SLC6A9: variants seen among roughly 807,000 people sequenced by gnomAD.
SLC6A9 encodes solute carrier family 6 member 9, also known as sodium- and chloride-dependent glycine transporter 1.
SLC6A9 carries 31 observed loss-of-function variants against 70.9 expected under a neutral mutation model. That is an observed-to-expected ratio of 0.44 (90% CI 0.33 to 0.59). The LOEUF (loss-of-function observed/expected upper bound fraction) is 0.59, where lower values mean the gene tolerates loss of function less well. SLC6A9 is among the 20% of genes least tolerant of loss of function. SLC6A9 has a pLI of 0.04. For missense variants in SLC6A9, 631 were observed against 845.2 expected (o/e 0.75, Z 3.14); for synonymous variants, 310 against 341.3 (o/e 0.91, Z 1.01).
chr1:44,011,683 G>A (rs769519813), intron 2 of SLC6A9: 3 of 1,614,118 alleles, frequency 1.9e-6, no homozygotes, highest in Admixed American at 1.7e-5. Flanking sequence ...CCAGAAAAGG[G>A]TGGCAGGAAG....
chr1:44,013,647 T>A lies in SLC6A9; in HGVS notation c.31-2765A>T, dbSNP rs2086648176. Among the ~76,000 whole-genome samples the A allele has an allele frequency of 6.6e-6, 1 of 152,184 alleles. No homozygotes were observed. On this transcript the variant is annotated intron_variant, in intron 2 of 13. Coordinates refer to ENST00000372310, the MANE Select transcript of SLC6A9 (RefSeq NM_001024845.3). The surrounding 1 kb of genome is among the most constrained non-coding windows in gnomAD (Gnocchi z 5.3). ...TCGACCACGGGAATCTGGCCCAGGC[T>A]TGGCCTCTGTCTTCAACTCCAGGGC...
intron 2 of SLC6A9, among the ~76,000 whole-genome samples, chr1:44,022,878 G>C (rs552540390): frequency 1.1e-3 from 172 of 151,896 alleles, no homozygotes; most frequent in Admixed American, 3.3e-3. Context: ...GCTAATTTTT[G>C]TATTTTTAGT....
chr1:44,001,185 C>G lies in SLC6A9; in HGVS notation c.1314G>C (p.Leu438=), dbSNP rs1441093971. 1 of 1,614,228 alleles carries G rather than the reference C, an allele frequency of 6.2e-7. No homozygotes were observed. The highest frequency in any genetic ancestry group is 1.7e-5 in the Admixed American group (1 of 60,028). ...TLGVAVAGFL[L]GIPLTSQAGI... ...TTACCTGGCTGGTGAGGGGGATGCC[C>G]AGCAGGAAGCCAGCCACAGCCACGC... Residue 438 remains leucine, a synonymous_variant, in exon 10 of 14, where the codon CTG becomes CTC. Coordinates refer to ENST00000372310, the MANE Select transcript of SLC6A9 (RefSeq NM_001024845.3).
At position 44,001,318 on chromosome 1, in the gene SLC6A9, G is replaced by C; in HGVS notation, c.1201-20C>G. On this transcript the variant is annotated intron_variant, in intron 9 of 13. Coordinates refer to ENST00000372310, the MANE Select transcript of SLC6A9 (RefSeq NM_001024845.3). ...GCAGAACTGCAGGATGTGGCTGTCAGATCGGAGACCTGCCCCTTGTTCCTG... is the reference window on the plus strand; with the variant it reads ...GCAGAACTGCAGGATGTGGCTGTCACATCGGAGACCTGCCCCTTGTTCCTG... The C allele has an allele frequency of 6.2e-7, 1 of 1,614,194 alleles. No homozygotes were observed. Among genetic ancestry groups the C allele is most frequent in the Non-Finnish European group, 8.5e-7 (1 of 1,180,014 alleles).
intron 2 of SLC6A9, among the ~76,000 whole-genome samples, chr1:44,020,616 C>T (rs983084047): frequency 1.3e-5 from 2 of 152,214 alleles, no homozygotes; most frequent in African/African-American, 4.8e-5. Context: ...GGCCCTCTAC[C>T]AAGGGAGTGT....
intron 5 of SLC6A9, 130 bp downstream of exon 5, chr1:44,008,223 C>T (rs774628540): frequency 1.1e-6 from 1 of 898,012 alleles, no homozygotes; most frequent in Admixed American, 1.9e-5. Context: ...CTTCACTCAC[C>T]TCTACCCTCT....
At chr1:44,020,754 G>T (rs1469053787) in intron 2 of SLC6A9, among the ~76,000 whole-genome samples, 1 of 152,230 alleles carries the variant, frequency 6.6e-6, no homozygotes, top group African/African-American at 2.4e-5. Flanking sequence ...TCCTATGACG[G>T]ATGCTACAGA....
At chr1:44,006,058 CA>C (rs2086297920) in intron 5 of SLC6A9, among the ~76,000 whole-genome samples, 1 of 152,230 alleles carries the variant, frequency 6.6e-6, no homozygotes, top group Non-Finnish European at 1.5e-5. Context: ...GGACAACCAC[CA>C]CTGGAGCATC....
At position 44,002,529 on chromosome 1, in the gene SLC6A9, T is replaced by G; in HGVS notation, c.841A>C (p.Lys281Gln). ...CTTCCCACCTTGGCCTCCAGGATCT[T>G]GTCCCACTGCGGGGTTAGGTAGTAC... The part of the protein sequence containing the change: ...IMYYLTPQWD[K>Q]ILEAKVWGDA... Residue 281 changes from lysine to glutamine, a missense_variant, in exon 7 of 14, where the codon AAG (lysine) becomes CAG (glutamine). Physicochemically the swap from Lys to Gln is moderately conservative, Grantham distance 53. Transcript: ENST00000372310. The surrounding 1 kb of genome is among the most constrained non-coding windows in gnomAD (Gnocchi z 5.5). 3 of 1,614,126 alleles carry G rather than the reference T, an allele frequency of 1.9e-6. No individual in the cohort carries two copies. The highest frequency in any genetic ancestry group is 2.5e-6 in the Non-Finnish European group (3 of 1,180,006).
At chr1:44,025,120 G>A (rs892832208) in intron 1 of SLC6A9, among the ~76,000 whole-genome samples, 8 of 145,028 alleles carry the variant, frequency 5.5e-5, no homozygotes, top group African/African-American at 1.7e-4. Context: ...TGAGTTCCCC[G>A]AGGGCTTGGG....
intron 3 of SLC6A9, chr1:44,010,369 A>C (rs1292289597): frequency 1.1e-5 from 5 of 443,946 alleles, no homozygotes; most frequent in Non-Finnish European, 2.1e-5. Flanking sequence ...GCGATTTCAC[A>C]AGCATAAGTT....
In SLC6A9 at chr1:44,009,947, G is replaced by A. The variant is rs747838685; in HGVS notation, c.319+18C>T. 1.2e-6 allele frequency: 2 copies of A among 1,612,650 alleles called. No homozygotes were observed. The highest frequency in any genetic ancestry group is 1.1e-5 in the South Asian group (1 of 90,986). On this transcript the variant is annotated intron_variant, in intron 4 of 13. Coordinates refer to ENST00000372310, the MANE Select transcript of SLC6A9 (RefSeq NM_001024845.3). ...TGTGTTTGTGTATGTGTGAGCGAGT[G>A]CCCCGCCCAGGCCTCACCTTTGAAC...
At chr1:44,029,982 A>C (rs908742488) in intron 1 of SLC6A9, among the ~76,000 whole-genome samples, 70 of 152,058 alleles carry the variant, frequency 4.6e-4, no homozygotes, top group African/African-American at 1.7e-3. Context: ...CGCTCCTTTC[A>C]GCGGAGAAAT....
At chr1:44,011,510 G>A (rs749627703) in intron 2 of SLC6A9, 36 of 1,537,930 alleles carry the variant, frequency 2.3e-5, no homozygotes, top group Admixed American at 8.4e-5. Context: ...GGGAGGGTCC[G>A]GGGAGCTAGC....
chr1:44,001,236 C>T lies in SLC6A9; in HGVS notation c.1263G>A (p.Leu421=), dbSNP rs201304448. The change falls in exon 10 of 14, where the codon CTG becomes CTA. Residue 421 remains leucine, a synonymous_variant. Transcript: ENST00000372310. ...IVDEVGNEWI[L]QKKTYVTLGV... ...CCAAGGTCACATAGGTCTTTTTCTGCAGGATCCACTCATTCCCCACCTCAT... is the reference window on the plus strand; with the variant it reads ...CCAAGGTCACATAGGTCTTTTTCTGTAGGATCCACTCATTCCCCACCTCAT... 37 of 1,614,086 alleles carry T rather than the reference C, an allele frequency of 2.3e-5. No homozygotes were observed. Among genetic ancestry groups the T allele is most frequent in the Admixed American group, 1.7e-5 (1 of 60,010 alleles).
Position 43,997,292 on chromosome 1 carries a change from C to T in SLC6A9, c.*253G>A, listed in dbSNP as rs1422764080. The T allele has an allele frequency of 7.6e-6, 4 of 527,730 alleles. No individual in the cohort carries two copies. Among genetic ancestry groups the T allele is most frequent in the Non-Finnish European group, 1.3e-5 (4 of 298,274 alleles). 32.7% of individuals were successfully genotyped at this position (527,730 alleles called of 1,614,324 possible). On this transcript the variant is annotated 3_prime_UTR_variant, in exon 14 of 14. Transcript: ENST00000372310. The surrounding 1 kb of genome is among the most constrained non-coding windows in gnomAD (Gnocchi z 4.4). The stretch of plus-strand genomic sequence containing the variant: ...GCTGGGGACCTGGCCCGAGACCCCT[C>T]CAAAGTGCTTTGGACCTCCCAGCAA...
chr1:44,011,546 C>G (rs775371601), intron 2 of SLC6A9: 1 of 1,612,158 alleles, frequency 6.2e-7, no homozygotes, highest in Non-Finnish European at 8.5e-7. Flanking sequence ...TGGGGAGGGG[C>G]CCTGGGGAGC....
In SLC6A9 at chr1:43,997,889, CG is replaced by C; in HGVS notation, c.1672del (p.Arg558GlyfsTer14). ...VLCIPLYAMF[R>X]LCRTDGDTLL... ...GGTGTCCCCGTCTGTGCGGCAGAGC[CG>C]GAACATGGCGTAGAGGGGGATGCAG... On this transcript the variant is annotated frameshift_variant, in exon 13 of 14. Coordinates refer to ENST00000372310, the MANE Select transcript of SLC6A9 (RefSeq NM_001024845.3). LOFTEE classifies it high-confidence loss of function. The surrounding 1 kb of genome is among the most constrained non-coding windows in gnomAD (Gnocchi z 4.4). 1 of 1,613,624 alleles carries C rather than the reference CG, an allele frequency of 6.2e-7. No individual in the cohort carries two copies. The highest frequency in any genetic ancestry group is 8.5e-7 in the Non-Finnish European group (1 of 1,179,744).
Position 44,022,164 on chromosome 1 carries a change from C to A in SLC6A9, c.30+2084G>T, listed in dbSNP as rs186473882. ...GCCGGGCCGACCGGCAGAGCACAGTCCGGGAAGCTCAGCTCAGGCAGGGAC... is the reference window on the plus strand; with the variant it reads ...GCCGGGCCGACCGGCAGAGCACAGTACGGGAAGCTCAGCTCAGGCAGGGAC... On this transcript the variant is annotated intron_variant, in intron 2 of 13. Coordinates refer to ENST00000372310, the MANE Select transcript of SLC6A9 (RefSeq NM_001024845.3). Among the ~76,000 whole-genome samples the A allele has an allele frequency of 1.9e-3, 292 of 152,352 alleles. 5 individuals carry two copies. Among genetic ancestry groups the A allele is most frequent in the African/African-American group, 6.7e-3 (279 of 41,588 alleles).
Sources: allele counts gnomAD v4.1 joint callset (sites outside exome capture counted in the v4.1 genomes callset), GRCh38; gene constraint gnomAD v4.1.1; non-coding constraint Gnocchi (gnomAD v3.1); transcripts MANE v1.5; gene names NCBI Gene and HGNC (gene_info 2026-07-23, HGNC 2026-07-21).